ELN: variants seen among roughly 807,000 people sequenced by gnomAD.
The protein encoded by ELN is elastin, also known as tropoelastin.
Under a neutral mutation model 105.8 loss-of-function variants are expected in ELN, and 65 were observed. The observed-to-expected ratio is 0.61, with a 90% CI of 0.50 to 0.75. The LOEUF is 0.75. Among genes scored for constraint, ELN ranks in the 30% least tolerant of loss-of-function variants. The probability of loss-of-function intolerance (pLI) is 0.00; values close to 1 mark genes in which losing one functional copy is unlikely to be tolerated. For missense variants in ELN, 882 were observed against 969.4 expected, an observed-to-expected ratio of 0.91 and a Z score of 1.20; for synonymous variants, 368 against 389.2, an observed-to-expected ratio of 0.95 and a Z score of 0.64.
chr7:74,037,770 A>G (rs782296409), intron 4 of ELN, 31 bp downstream of exon 4: 3 of 1,607,738 alleles, frequency 1.9e-6, no homozygotes, highest in Non-Finnish European at 2.5e-6. Context: ...GCATTGAGAG[A>G]CAGCGAGGGA....
intron 11 of ELN, 61 bp from the exon 12 acceptor site, chr7:74,046,635 G>C: frequency 6.4e-7 from 1 of 1,564,960 alleles, no homozygotes; most frequent in Non-Finnish European, 8.8e-7. Flanking sequence ...AAAGTGGAGT[G>C]GGTGGCGGAG....
In ELN at chr7:74,063,878, G is replaced by A. The variant is rs571730421; in HGVS notation, c.1993+183G>A. ...AGCACTCTAGTAGGCCAAGGTGGGCGGATCACTAGAGGTGAGGAGTTTGAG... is the reference window on the plus strand; with the variant it reads ...AGCACTCTAGTAGGCCAAGGTGGGCAGATCACTAGAGGTGAGGAGTTTGAG... On this transcript the variant is annotated intron_variant, in intron 29 of 32. Transcript: ENST00000252034. The surrounding 1 kb of genome is among the most constrained non-coding windows in gnomAD (Gnocchi z 4.1). Among the ~76,000 whole-genome samples the A allele has an allele frequency of 1.1e-3, 171 of 151,168 alleles. No homozygotes were observed. Among genetic ancestry groups the A allele is most frequent in the Middle Eastern group, 6.8e-3 (2 of 292 alleles).
intron 32 of ELN, among the ~76,000 whole-genome samples, chr7:74,068,243 C>G (rs1798410410): frequency 6.6e-6 from 1 of 152,192 alleles, no homozygotes; most frequent in Non-Finnish European, 1.5e-5. Context: ...CTGATGCCCT[C>G]TCAGATGTAT....
intron 29 of ELN, among the ~76,000 whole-genome samples, chr7:74,064,981 C>T (rs1797621436): frequency 1.3e-5 from 2 of 152,080 alleles, no homozygotes; most frequent in African/African-American, 4.8e-5. Flanking sequence ...TGGCTCATGC[C>T]TGTAATCCCA....
intron 4 of ELN, among the ~76,000 whole-genome samples, chr7:74,039,516 T>A (rs1554667325): frequency 2.0e-5 from 3 of 152,196 alleles, no homozygotes; most frequent in Non-Finnish European, 4.4e-5. Flanking sequence ...GAACAATTAA[T>A]CCCTTGGTGA....
chr7:74,051,862 G>C, intron 16 of ELN, 23 bp downstream of exon 16: 15 of 1,614,224 alleles, frequency 9.3e-6, no homozygotes, highest in Non-Finnish European at 1.3e-5. Flanking sequence ...CCAGCAGGGG[G>C]CGGGTGTGTC....
Position 74,053,256 on chromosome 7 carries a change from G to A in ELN, c.1043G>A (p.Gly348Glu), listed in dbSNP as rs186728715. The A allele has an allele frequency of 9.2e-5, 149 of 1,614,118 alleles. No homozygotes were observed. The highest frequency in any genetic ancestry group is 1.1e-4 in the Non-Finnish European group (134 of 1,180,024). The change falls in exon 18 of 33, where the codon GGA becomes GAA. Residue 348 changes from glycine to glutamate, a missense_variant. Transcript: ENST00000252034. ...GGCGTTCCAGGTGTTGGTGTCCCAGGAGCTGGGATTCCAGTTGTCCCAGGT... is the reference window on the plus strand; with the variant it reads ...GGCGTTCCAGGTGTTGGTGTCCCAGAAGCTGGGATTCCAGTTGTCCCAGGT... ...GAGVPGVGVP[G>E]AGIPVVPGAG...
chr7:74,031,999 A>G (rs548579905), intron 1 of ELN, among the ~76,000 whole-genome samples: 1 of 152,188 alleles, frequency 6.6e-6, no homozygotes, highest in African/African-American at 2.4e-5. Flanking sequence ...ACAGAAGAGC[A>G]GATTCTCGAT....
chr7:74,053,137 G>A, intron 17 of ELN, 26 bp from the exon 18 acceptor site: 1 of 1,614,124 alleles, frequency 6.2e-7, no homozygotes, highest in Non-Finnish European at 8.5e-7. Flanking sequence ...CCATAGGTTA[G>A]GGGAACAATG....
At chr7:74,068,192 A>G (rs56251742) in intron 32 of ELN, among the ~76,000 whole-genome samples, 10,712 of 152,206 alleles carry the variant, frequency 0.07, 1,272 homozygotes, top group African/African-American at 0.24. Context: ...CACTATGTGG[A>G]TAAGACCCTC....
intron 1 of ELN, among the ~76,000 whole-genome samples, chr7:74,034,054 G>A (rs1014981413): frequency 2.0e-5 from 3 of 152,156 alleles, no homozygotes; most frequent in African/African-American, 2.4e-5. Flanking sequence ...CGGTGAATTC[G>A]CTTTTCCTTA....
intron 1 of ELN, among the ~76,000 whole-genome samples, chr7:74,034,835 T>C (rs1297090919): frequency 6.6e-6 from 1 of 152,102 alleles, no homozygotes; most frequent in Non-Finnish European, 1.5e-5. Context: ...GAGCGGTGGC[T>C]CACACCTGTA....
At chr7:74,064,783 G>T (rs1554687968) in intron 29 of ELN, among the ~76,000 whole-genome samples, 1 of 152,152 alleles carries the variant, frequency 6.6e-6, no homozygotes, top group Admixed American at 6.5e-5. Context: ...AGAAATCAAA[G>T]CTTGGAGAGA....
Position 74,047,967 on chromosome 7 carries a change from A to G in ELN, c.686-175A>G, listed in dbSNP as rs190587059. On this transcript the variant is annotated intron_variant, in intron 13 of 32. Coordinates refer to ENST00000252034, the MANE Select transcript of ELN (RefSeq NM_000501.4). Reference sequence around the variant, plus strand: ...TGCTTCTTTGAGCCTCTGTGTTCTCATCTGTAAAATGGACATAACAACTCC... The same window carrying G: ...TGCTTCTTTGAGCCTCTGTGTTCTCGTCTGTAAAATGGACATAACAACTCC... 2.8e-3 allele frequency among the ~76,000 whole-genome samples: 431 copies of G among 152,236 alleles called. 3 individuals carry two copies. Among genetic ancestry groups the G allele is most frequent in the Non-Finnish European group, 4.6e-3 (314 of 68,008 alleles).
intron 22 of ELN, among the ~76,000 whole-genome samples, chr7:74,058,207 CCTTCTTCTTCTTT>C (rs1318254258): frequency 2.7e-5 from 4 of 149,576 alleles, no homozygotes; most frequent in African/African-American, 9.9e-5. Context: ...CCTTTCTTCT[CCTTCTTCTTCTTT>C]CTTCTTCTTC....
intron 5 of ELN, among the ~76,000 whole-genome samples, chr7:74,041,500 G>A (rs1487851271): frequency 6.6e-6 from 1 of 152,184 alleles, no homozygotes; most frequent in Non-Finnish European, 1.5e-5. Flanking sequence ...CATGGACCAA[G>A]GAAGCCCAAG....
chr7:74,042,883 A>G, intron 6 of ELN, 101 bp from the exon 7 acceptor site: 3 of 1,598,132 alleles, frequency 1.9e-6, no homozygotes, highest in Non-Finnish European at 2.6e-6. Context: ...TGAGTTAGTA[A>G]CGGGGCCAGA....
At chr7:74,046,910 C>T (rs1174375660) in intron 12 of ELN, 143 bp downstream of exon 12, 2 of 936,976 alleles carry the variant, frequency 2.1e-6, no homozygotes, top group Non-Finnish European at 3.3e-6. Context: ...ATGGCAAAAC[C>T]CCGTCCCTAC....
rs781858227 is a variant in ELN at position 74,057,700 on chromosome 7, A to G, written c.1414+4A>G. On this transcript the variant is annotated splice_donor_region_variant and intron_variant, in intron 22 of 32. Transcript: ENST00000252034. ...GCCGCCAAAGCCGCCCAGTTTGGTA[A>G]GTCCCCCTCACCCCCGCCACTGGCT... 1 of 1,613,034 alleles carries G rather than the reference A, an allele frequency of 6.2e-7. No individual in the cohort carries two copies. Among genetic ancestry groups the G allele is most frequent in the East Asian group, 2.2e-5 (1 of 44,872 alleles).
Sources: allele counts gnomAD v4.1 joint callset (sites outside exome capture counted in the v4.1 genomes callset), GRCh38; gene constraint gnomAD v4.1.1; non-coding constraint Gnocchi (gnomAD v3.1); transcripts MANE v1.5; gene names NCBI Gene and HGNC (gene_info 2026-07-23, HGNC 2026-07-21).